The following KCNIP3 variants were observed in gnomAD, a reference collection of about 807,000 sequenced individuals.
KCNIP3 encodes calsenilin.
In KCNIP3, 28 loss-of-function variants were observed where a neutral mutation model predicts 35.0. The ratio of observed to expected loss-of-function variants is 0.80; its 90% confidence interval spans 0.59 to 1.10. The LOEUF (loss-of-function observed/expected upper bound fraction) is 1.10. KCNIP3 is among the 50% of genes least tolerant of loss of function. The probability of loss-of-function intolerance (pLI) is 0.00; values close to 1 mark genes in which losing one functional copy is unlikely to be tolerated. For missense variants in KCNIP3, 295 were observed against 338.4 expected (o/e 0.87, Z 1.01); for synonymous variants, 134 against 133.8 (o/e 1.00, Z -0.01).
intron 2 of KCNIP3, among the ~76,000 whole-genome samples, chr2:95,324,312 C>T (rs187224440): frequency 0.013 from 1,986 of 151,924 alleles, 25 homozygotes; most frequent in Non-Finnish European, 0.018. Flanking sequence ...GAGATCGAGA[C>T]CATCCTGGCT....
chr2:95,325,284 G>A (rs925108178), intron 2 of KCNIP3, among the ~76,000 whole-genome samples: 3 of 152,196 alleles, frequency 2.0e-5, no homozygotes, highest in African/African-American at 7.2e-5. Context: ...AGACGGTGCA[G>A]GAGCTCACCT....
At chr2:95,349,808 C>T (rs1476247487) in intron 2 of KCNIP3, among the ~76,000 whole-genome samples, 1 of 152,244 alleles carries the variant, frequency 6.6e-6, no homozygotes, top group Non-Finnish European at 1.5e-5. Context: ...AGCTGCCTGC[C>T]ATCCACGAGC....
chr2:95,318,097 G>T (rs1378383257), intron 2 of KCNIP3, among the ~76,000 whole-genome samples: 2 of 152,084 alleles, frequency 1.3e-5, no homozygotes, highest in Non-Finnish European at 2.9e-5. Flanking sequence ...AGCAGGACCA[G>T]GAAGGACTGC....
At chr2:95,303,823 A>G (rs1678104691) in intron 1 of KCNIP3, among the ~76,000 whole-genome samples, 1 of 152,240 alleles carries the variant, frequency 6.6e-6, no homozygotes, top group Non-Finnish European at 1.5e-5. Context: ...CCTGTCCAAT[A>G]GAGACATGAT....
chr2:95,298,694 G>A (rs1677941740), intron 1 of KCNIP3: 1 of 152,174 alleles, frequency 6.6e-6, no homozygotes. Context: ...GTGCCAAGAG[G>A]ATCAGCTGAG....
At chr2:95,317,591 G>T (rs1482907376) in intron 2 of KCNIP3, among the ~76,000 whole-genome samples, 7 of 152,212 alleles carry the variant, frequency 4.6e-5, no homozygotes, top group African/African-American at 1.7e-4. Context: ...AAGCAGAGGA[G>T]AGAAGGACAG....
rs182636339 is a variant in KCNIP3, at chr2:95,360,783, A to G, written c.182-13513A>G. Among the ~76,000 whole-genome samples the G allele has an allele frequency of 3.6e-4, 55 of 152,028 alleles. No individual in the cohort carries two copies. In the East Asian group the frequency reaches 7.9e-3, roughly 22 times the overall value. ...CGAGAGACAGAGAGAGAGAGAGAGA[A>G]AGAGGGGGCAAAGCCACCACTGTGA... On this transcript the variant is annotated intron_variant, in intron 2 of 8. Transcript: ENST00000295225.
intron 2 of KCNIP3, among the ~76,000 whole-genome samples, chr2:95,358,172 G>C (rs1679704288): frequency 6.6e-6 from 1 of 152,166 alleles, no homozygotes; most frequent in African/African-American, 2.4e-5. Context: ...TCTCCTATGT[G>C]GCAAGCTGCA....
chr2:95,359,547 C>T (rs897106802), intron 2 of KCNIP3, among the ~76,000 whole-genome samples: 8 of 152,278 alleles, frequency 5.3e-5, no homozygotes, highest in Admixed American at 1.3e-4. Flanking sequence ...TGTTGCTAGC[C>T]GGTCACGCTG....
intron 2 of KCNIP3, among the ~76,000 whole-genome samples, chr2:95,320,565 G>A (rs1177085299): frequency 6.6e-6 from 1 of 151,900 alleles, no homozygotes; most frequent in African/African-American, 2.4e-5. Context: ...TTTCTTGTGG[G>A]GAGGATGGGA....
At chr2:95,350,500 C>G (rs919653419) in intron 2 of KCNIP3, among the ~76,000 whole-genome samples, 6 of 152,182 alleles carry the variant, frequency 3.9e-5, no homozygotes, top group Non-Finnish European at 7.3e-5. Context: ...AGAACTGGAG[C>G]CTTCTCCTGT....
intron 2 of KCNIP3, chr2:95,312,615 C>T (rs1678350238): frequency 6.6e-6 from 1 of 152,246 alleles, no homozygotes; most frequent in Admixed American, 6.5e-5. Flanking sequence ...ACGACACATC[C>T]AAGAGCCTAT....
chr2:95,325,801 A>T (rs530443693), intron 2 of KCNIP3, among the ~76,000 whole-genome samples: 17 of 151,416 alleles, frequency 1.1e-4, no homozygotes, highest in African/African-American at 3.6e-4. Flanking sequence ...ACTCATACAC[A>T]CATACACTCA....
chr2:95,357,402 A>G (rs892311355), intron 2 of KCNIP3, among the ~76,000 whole-genome samples: 2 of 152,186 alleles, frequency 1.3e-5, no homozygotes, highest in South Asian at 2.1e-4. Flanking sequence ...GGTGTGCTGG[A>G]TGCCCTGCCT....
intron 1 of KCNIP3, chr2:95,303,124 TA>T (rs2104199209): frequency 6.6e-6 from 1 of 152,326 alleles, no homozygotes; most frequent in Non-Finnish European, 1.5e-5. Context: ...GAGACTGAAC[TA>T]GCGGCTCGAG....
At chr2:95,298,514 A>G (rs1558755201) in intron 1 of KCNIP3, among the ~76,000 whole-genome samples, 1 of 152,190 alleles carries the variant, frequency 6.6e-6, no homozygotes, top group Admixed American at 6.5e-5. Context: ...TCTTGAATGT[A>G]GGAAAGAAGG....
At chr2:95,298,404 C>T (rs1677932508) in intron 1 of KCNIP3, among the ~76,000 whole-genome samples, 1 of 152,104 alleles carries the variant, frequency 6.6e-6, no homozygotes, top group Non-Finnish European at 1.5e-5. Context: ...TAAGGTGCAA[C>T]ATAACTGCTG....
intron 5 of KCNIP3, among the ~76,000 whole-genome samples, chr2:95,381,393 TCA>T (rs752337766): frequency 6.6e-6 from 1 of 151,760 alleles, no homozygotes; most frequent in South Asian, 2.1e-4. Context: ...TCACACAAGT[TCA>T]CACACACAGG....
chr2:95,318,126 C>T (rs1054756555), intron 2 of KCNIP3, among the ~76,000 whole-genome samples: 3 of 152,114 alleles, frequency 2.0e-5, no homozygotes, highest in Non-Finnish European at 4.4e-5. Flanking sequence ...CAGCCCACCC[C>T]TCCCCACTGT....
Sources: gnomAD v4.1 joint callset for allele counts (sites outside exome capture counted in the v4.1 genomes callset) on GRCh38, gnomAD v4.1.1 for gene constraint, MANE v1.5 for transcripts, NCBI Gene and HGNC (gene_info 2026-07-23, HGNC 2026-07-21) for gene names.